Variants in MGAT4C observed in about 807,000 individuals in gnomAD.
The protein encoded by MGAT4C is alpha-1,3-mannosyl-glycoprotein 4-beta-N-acetylglucosaminyltransferase C.
MGAT4C carries 19 observed loss-of-function variants against 40.1 expected under a neutral mutation model. That is an observed-to-expected ratio of 0.47 (90% CI 0.33 to 0.70). The LOEUF (loss-of-function observed/expected upper bound fraction) is 0.70, where lower values mean the gene tolerates loss of function less well. Ranked by LOEUF, MGAT4C falls within the 30% of genes least tolerant of loss-of-function variation. The probability of loss-of-function intolerance (pLI) is 0.02; values close to 1 mark genes in which losing one functional copy is unlikely to be tolerated. For missense variants in MGAT4C, 491 were observed against 563.2 expected (o/e 0.87, Z 1.30); for synonymous variants, 181 against 187.1 (o/e 0.97, Z 0.27).
At chr12:86,191,751 G>GGGGTGTGTGTGTGT (rs1555243731) in intron 1 of MGAT4C, among the ~76,000 whole-genome samples, 4 of 98,572 alleles carry the variant, frequency 4.1e-5, no homozygotes, top group Admixed American at 1.0e-4. Flanking sequence ...AGGAGATAAA[G>GGGGTGTGTGTGTGT]GTGTGTGTGT....
Position 85,983,533 on chromosome 12 carries a change from TA to T in MGAT4C, c.284del (p.Leu95TyrfsTer14). 1 of 1,562,538 alleles carries T rather than the reference TA, an allele frequency of 6.4e-7. No homozygotes were observed. Among genetic ancestry groups the T allele is most frequent in the Non-Finnish European group, 8.6e-7 (1 of 1,161,006 alleles). On this transcript the variant is annotated frameshift_variant, in exon 4 of 5. Transcript: ENST00000611864. LOFTEE classifies it high-confidence loss of function. ...TTTAAGGATACTTACGCTTTCTTTG[TA>T]AAGGTGTGGCAGCTAGGTAGCGATA... Reference protein sequence around the residue: ...VTYRYLAATPLQRKRYLTIGL... With the variant: ...VTYRYLAATPXQRKRYLTIGL...
chr12:86,291,423 T>C lies in MGAT4C; in HGVS notation c.-57+42642A>G, dbSNP rs139739512. On this transcript the variant is annotated intron_variant, in intron 4 of 7. Coordinates refer to the MGAT4C transcript ENST00000548651. ...ATGAGAAGAAATAGCATTCACTAAA[T>C]TTGGTTTTCTTAACAAGGTAGTTAC... Among the ~76,000 whole-genome samples the C allele has an allele frequency of 1.9e-4, 29 of 152,256 alleles. No homozygotes were observed. In the East Asian group the frequency reaches 5.6e-3, roughly 29 times the overall value.
intron 2 of MGAT4C, among the ~76,000 whole-genome samples, chr12:86,671,545 G>C (rs1450747950): frequency 6.6e-6 from 1 of 152,084 alleles, no homozygotes; most frequent in East Asian, 1.9e-4. Flanking sequence ...ATTATCTGTT[G>C]CCTATAAGAA....
intron 4 of MGAT4C, among the ~76,000 whole-genome samples, chr12:86,329,732 T>A (rs1277332664): frequency 6.6e-6 from 1 of 152,194 alleles, no homozygotes; most frequent in East Asian, 1.9e-4. Context: ...TATTGACATT[T>A]TCAACTTACA....
intron 1 of MGAT4C, among the ~76,000 whole-genome samples, chr12:86,771,333 A>G (rs528156575): frequency 6.6e-6 from 1 of 152,290 alleles, no homozygotes; most frequent in East Asian, 1.9e-4. Flanking sequence ...GGGTGCTACT[A>G]TAACACACAT....
chr12:86,728,493 C>A (rs754130188), intron 1 of MGAT4C, among the ~76,000 whole-genome samples: 2 of 152,154 alleles, frequency 1.3e-5, no homozygotes, highest in Non-Finnish European at 2.9e-5. Context: ...CGGTTTGAGA[C>A]CAGCCTGGCC....
intron 1 of MGAT4C, among the ~76,000 whole-genome samples, chr12:86,819,315 T>A (rs1442007786): frequency 3.3e-5 from 5 of 150,938 alleles, no homozygotes; most frequent in Non-Finnish European, 7.4e-5. Context: ...TCTTCCTTTT[T>A]CTCTAAACTG....
intron 1 of MGAT4C, among the ~76,000 whole-genome samples, chr12:86,154,682 C>A (rs537707627): frequency 1.3e-4 from 20 of 151,726 alleles, no homozygotes; most frequent in African/African-American, 3.4e-4. Flanking sequence ...ACATCTAGAT[C>A]AAAAAAAAGA....
intron 2 of MGAT4C, among the ~76,000 whole-genome samples, chr12:86,705,888 T>C (rs939416343): frequency 9.2e-5 from 14 of 152,190 alleles, no homozygotes; most frequent in African/African-American, 3.4e-4. Flanking sequence ...AAAGAGGATG[T>C]CATGTAACAC....
chr12:86,071,582 T>C (rs1316555000), intron 1 of MGAT4C, among the ~76,000 whole-genome samples: 7 of 152,142 alleles, frequency 4.6e-5, no homozygotes, highest in Admixed American at 4.6e-4. Context: ...GAGCACATTC[T>C]ATTCACATGT....
At chr12:86,240,889 T>A (rs1170743697) in intron 1 of MGAT4C, among the ~76,000 whole-genome samples, 1 of 152,178 alleles carries the variant, frequency 6.6e-6, no homozygotes, top group Non-Finnish European at 1.5e-5. Flanking sequence ...AAGTCTAGAA[T>A]TAGGTGTTGC....
At chr12:86,351,024 T>C (rs1461068831) in intron 3 of MGAT4C, among the ~76,000 whole-genome samples, 1 of 151,854 alleles carries the variant, frequency 6.6e-6, no homozygotes, top group Non-Finnish European at 1.5e-5. Context: ...GAATATTAAA[T>C]ATATTGATTG....
chr12:86,200,196 TAG>T (rs2065144201), intron 1 of MGAT4C, among the ~76,000 whole-genome samples: 1 of 149,490 alleles, frequency 6.7e-6, no homozygotes, highest in Non-Finnish European at 1.5e-5. Context: ...TTTTTTGAGA[TAG>T]AGTCTTGATC....
intron 1 of MGAT4C, among the ~76,000 whole-genome samples, chr12:86,187,620 T>G (rs1888910978): frequency 6.6e-6 from 1 of 151,778 alleles, no homozygotes; most frequent in Non-Finnish European, 1.5e-5. Flanking sequence ...ATCTTTCCTT[T>G]CTATAGTGAC....
intron 1 of MGAT4C, among the ~76,000 whole-genome samples, chr12:86,241,118 G>C: frequency 6.6e-6 from 1 of 151,930 alleles, no homozygotes; most frequent in East Asian, 1.9e-4. Flanking sequence ...CAAATCTGGG[G>C]GTACATAATA....
intron 2 of MGAT4C, among the ~76,000 whole-genome samples, chr12:86,460,602 C>A (rs1190352746): frequency 6.6e-6 from 1 of 151,848 alleles, no homozygotes; most frequent in Non-Finnish European, 1.5e-5. Context: ...TGCAGGATAG[C>A]ATGTGTGTGT....
intron 2 of MGAT4C, among the ~76,000 whole-genome samples, chr12:86,454,209 T>C (rs1957472350): frequency 6.6e-6 from 1 of 152,118 alleles, no homozygotes; most frequent in African/African-American, 2.4e-5. Context: ...TATTGATATG[T>C]CATAATTTAT....
chr12:86,549,053 G>A (rs1959229559), intron 2 of MGAT4C, among the ~76,000 whole-genome samples: 1 of 151,990 alleles, frequency 6.6e-6, no homozygotes, highest in African/African-American at 2.4e-5. Context: ...GATTTTTTGA[G>A]TTACAATATG....
chr12:86,156,267 C>T (rs1267767156), intron 1 of MGAT4C, among the ~76,000 whole-genome samples: 1 of 152,076 alleles, frequency 6.6e-6, no homozygotes, highest in Non-Finnish European at 1.5e-5. Context: ...TGAAGGTTAA[C>T]ATATTAATCT....
Sources: allele counts gnomAD v4.1 joint callset (sites outside exome capture counted in the v4.1 genomes callset), GRCh38; gene constraint gnomAD v4.1.1; transcripts MANE v1.5; gene names NCBI Gene and HGNC (gene_info 2026-07-23, HGNC 2026-07-21).